The following RANBP17 variants were observed in gnomAD, a reference collection of about 807,000 sequenced individuals.
RANBP17 encodes RAN binding protein 17.
In RANBP17, 158 loss-of-function variants were observed where a neutral mutation model predicts 141.2. The observed-to-expected ratio is 1.12, with a 90% CI of 0.98 to 1.28. The LOEUF is 1.28. RANBP17 is among the 50% of genes most tolerant of loss of function. The pLI, the probability that RANBP17 is intolerant of heterozygous loss-of-function variation, is 0.00. For synonymous variants in RANBP17, 430 were observed against 450.0 expected, an observed-to-expected ratio of 0.96 and a Z score of 0.56; for missense variants, 1,438 against 1,290.7, an observed-to-expected ratio of 1.11 and a Z score of -1.75.
chr5:171,037,827 T>C (rs563397694), intron 14 of RANBP17, among the ~76,000 whole-genome samples: 1 of 152,328 alleles, frequency 6.6e-6, no homozygotes, highest in South Asian at 2.1e-4. Context: ...TGTAGCCTTA[T>C]AGTGTAGTTT....
At chr5:171,073,571 A>C (rs1784746291) in intron 14 of RANBP17, among the ~76,000 whole-genome samples, 1 of 152,172 alleles carries the variant, frequency 6.6e-6, no homozygotes, top group Non-Finnish European at 1.5e-5. Context: ...GTTTATTTTA[A>C]TATGTATATG....
chr5:171,176,492 A>G (rs1561733654), intron 16 of RANBP17, among the ~76,000 whole-genome samples: 1 of 152,172 alleles, frequency 6.6e-6, no homozygotes, highest in Non-Finnish European at 1.5e-5. Flanking sequence ...CAAAAGAACA[A>G]ATAAAACACA....
Position 171,299,934 on chromosome 5 carries a change from A to T in RANBP17, c.*1076A>T, listed in dbSNP as rs1352642932. 1.0e-5 allele frequency: 2 copies of T among 200,212 alleles called. No homozygotes were observed. Among genetic ancestry groups the T allele is most frequent in the African/African-American group, 4.6e-5 (2 of 43,556 alleles). 12.4% of individuals were successfully genotyped at this position (200,212 alleles called of 1,614,324 possible). ...GATTCAGGCTTATAACAAATATTGT[A>T]TCCTTTATTTCTGATAAGACATGAA... On this transcript the variant is annotated 3_prime_UTR_variant, in exon 28 of 28. Transcript: ENST00000523189.
intron 14 of RANBP17, among the ~76,000 whole-genome samples, chr5:171,082,340 A>G (rs1034631812): frequency 1.3e-5 from 2 of 152,164 alleles, no homozygotes; most frequent in African/African-American, 4.8e-5. Context: ...TTTCAGGTAC[A>G]TGAGGATTAA....
chr5:171,174,585 T>G (rs557101708), intron 16 of RANBP17, among the ~76,000 whole-genome samples: 6 of 152,300 alleles, frequency 3.9e-5, no homozygotes, highest in African/African-American at 1.4e-4. Flanking sequence ...TTTTGAAAGA[T>G]AATTGATCAG....
At chr5:170,959,126 C>T (rs1363258137) in intron 13 of RANBP17, among the ~76,000 whole-genome samples, 1 of 152,172 alleles carries the variant, frequency 6.6e-6, no homozygotes, top group Non-Finnish European at 1.5e-5. Context: ...TTCTTTCAGA[C>T]CTATTCTACT....
intron 14 of RANBP17, among the ~76,000 whole-genome samples, chr5:171,051,589 T>G (rs944017303): frequency 1.3e-5 from 2 of 152,200 alleles, no homozygotes; most frequent in Non-Finnish European, 2.9e-5. Flanking sequence ...CTGAATACTA[T>G]TTAATATTTC....
At chr5:171,287,145 G>A (rs1334485567) in intron 25 of RANBP17, among the ~76,000 whole-genome samples, 5 of 152,208 alleles carry the variant, frequency 3.3e-5, no homozygotes, top group African/African-American at 1.2e-4. Context: ...TTGGTCAGAA[G>A]TACAGATAAT....
At chr5:171,117,699 G>T (rs1755734779) in intron 14 of RANBP17, among the ~76,000 whole-genome samples, 1 of 151,968 alleles carries the variant, frequency 6.6e-6, no homozygotes, top group African/African-American at 2.4e-5. Context: ...TCACCATGTT[G>T]ACCATGCTAG....
chr5:171,293,498 C>T (rs1768632170), intron 25 of RANBP17, among the ~76,000 whole-genome samples: 1 of 152,226 alleles, frequency 6.6e-6, no homozygotes, highest in African/African-American at 2.4e-5. Flanking sequence ...CTCTCTATAA[C>T]ATAACCTCTT....
chr5:171,052,461 C>T (rs990509307), intron 14 of RANBP17, among the ~76,000 whole-genome samples: 1 of 152,122 alleles, frequency 6.6e-6, no homozygotes, highest in Non-Finnish European at 1.5e-5. Context: ...TGTCCCAGCA[C>T]CATTTGTTGA....
intron 14 of RANBP17, among the ~76,000 whole-genome samples, chr5:171,007,565 A>G (rs540230598): frequency 6.6e-5 from 10 of 152,180 alleles, no homozygotes; most frequent in African/African-American, 2.4e-4. Flanking sequence ...GGAGGGAAAG[A>G]AGGAGGATTT....
intron 3 of RANBP17, among the ~76,000 whole-genome samples, chr5:170,886,332 A>G (rs1365020252): frequency 3.9e-5 from 6 of 152,124 alleles, no homozygotes; most frequent in Non-Finnish European, 7.4e-5. Flanking sequence ...TATGAAACCA[A>G]TCCAGAAAAA....
intron 18 of RANBP17, among the ~76,000 whole-genome samples, chr5:171,195,704 T>C (rs1365519077): frequency 3.3e-5 from 5 of 152,230 alleles, no homozygotes; most frequent in African/African-American, 1.2e-4. Context: ...TGGAAAAGCA[T>C]GAGCTTGGGA....
chr5:171,161,704 G>A (rs1483110951), intron 14 of RANBP17, among the ~76,000 whole-genome samples: 2 of 152,114 alleles, frequency 1.3e-5, no homozygotes, highest in Non-Finnish European at 2.9e-5. Flanking sequence ...TAATGTGGTT[G>A]CATAGTACAA....
chr5:170,961,959 C>T (rs775111046), intron 13 of RANBP17, among the ~76,000 whole-genome samples: 3 of 152,086 alleles, frequency 2.0e-5, no homozygotes, highest in Non-Finnish European at 4.4e-5. Context: ...CTAGGTATGG[C>T]AAAGTGATTA....
chr5:170,991,986 G>A (rs1778540266), intron 14 of RANBP17, among the ~76,000 whole-genome samples: 7 of 151,884 alleles, frequency 4.6e-5, no homozygotes, highest in Admixed American at 4.6e-4. Context: ...TGGTCTTTGG[G>A]GCATGTATTT....
chr5:171,055,346 A>G (rs1322363079), intron 14 of RANBP17, among the ~76,000 whole-genome samples: 1 of 152,168 alleles, frequency 6.6e-6, no homozygotes, highest in African/African-American at 2.4e-5. Flanking sequence ...TGAAACTAGC[A>G]TGTACTAACA....
intron 14 of RANBP17, among the ~76,000 whole-genome samples, chr5:171,011,860 C>T (rs145532333): frequency 2.0e-5 from 3 of 151,854 alleles, no homozygotes; most frequent in East Asian, 3.9e-4. Flanking sequence ...ATATCTGAAC[C>T]GGACATGCAT....
Sources: gnomAD v4.1 joint callset for allele counts (sites outside exome capture counted in the v4.1 genomes callset) on GRCh38, gnomAD v4.1.1 for gene constraint, MANE v1.5 for transcripts, NCBI Gene and HGNC (gene_info 2026-07-23, HGNC 2026-07-21) for gene names.